SHROOM4: variants seen among roughly 807,000 people sequenced by gnomAD.
SHROOM4 encodes shroom family member 4.
Under a neutral mutation model 80.3 loss-of-function variants are expected in SHROOM4, and 17 were observed. The observed-to-expected ratio is 0.21, with a 90% CI of 0.14 to 0.32. The LOEUF (loss-of-function observed/expected upper bound fraction) is 0.32. Ranked by LOEUF, SHROOM4 falls within the 10% of genes least tolerant of loss-of-function variation. The pLI is 1.00. For missense variants in SHROOM4, 993 were observed against 1,140.3 expected (o/e 0.87, Z 1.86); for synonymous variants, 400 against 437.5 (o/e 0.91, Z 1.07).
At chrX:50,666,069 T>C (rs1569547258) in intron 2 of SHROOM4, among the ~76,000 whole-genome samples, 2 of 112,341 alleles carry the variant, frequency 1.8e-5, no homozygotes, top group African/African-American at 6.5e-5. Context: ...GCCCCGTTTA[T>C]ACAGGGAAAA....
intron 1 of SHROOM4, among the ~76,000 whole-genome samples, chrX:50,780,030 G>C (rs1809874917): frequency 9.0e-6 from 1 of 111,524 alleles, no homozygotes; most frequent in Non-Finnish European, 1.9e-5. Flanking sequence ...CTCTTTGTGT[G>C]GCTGTTAGGT....
intron 2 of SHROOM4, among the ~76,000 whole-genome samples, chrX:50,688,018 A>AT (rs1177210256): frequency 3.7e-5 from 4 of 107,526 alleles, no homozygotes; most frequent in East Asian, 2.9e-4. Flanking sequence ...TCTAAGGGTC[A>AT]TTTTTTTTTC....
chrX:50,804,657 T>C (rs782240585), intron 1 of SHROOM4, among the ~76,000 whole-genome samples: 3 of 112,433 alleles, frequency 2.7e-5, no homozygotes, highest in Non-Finnish European at 3.7e-5. Flanking sequence ...CGGTTCTTCA[T>C]CTGCACAATG....
chrX:50,676,464 G>T (rs1932855374), intron 2 of SHROOM4, among the ~76,000 whole-genome samples: 1 of 111,005 alleles, frequency 9.0e-6, no homozygotes, highest in Non-Finnish European at 1.9e-5. Context: ...TTTTGCTTTG[G>T]TTTTGTTTTG....
In SHROOM4 at chrX:50,633,528, G is replaced by T; in HGVS notation, c.2545C>A (p.Pro849Thr). 8.3e-7 allele frequency: 1 copy of T among 1,211,632 alleles called. No homozygotes were observed. Among genetic ancestry groups the T allele is most frequent in the East Asian group, 3.0e-5 (1 of 33,812 alleles). The change falls in exon 4 of 9, where the codon CCC becomes ACC. Residue 849 changes from proline to threonine, a missense_variant. Pro to Thr is a conservative substitution (Grantham distance 38). Coordinates refer to ENST00000376020, the MANE Select transcript of SHROOM4 (RefSeq NM_020717.5). ...ATDQSYHSMS[P>T]LQSETPTYSE... ...TAAGTGGGAGTTTCTGACTGAAGGG[G>T]TGACATGGAATGATATGATTGGTCT...
chrX:50,592,059 C>T lies in SHROOM4; in HGVS notation c.*4636G>A, dbSNP rs782781529. 1 of 329,457 alleles carries T rather than the reference C, an allele frequency of 3.0e-6. No individual in the cohort carries two copies. The highest frequency in any genetic ancestry group is 5.9e-6 in the Non-Finnish European group (1 of 170,030). 27.2% of individuals were successfully genotyped at this position (329,457 alleles called of 1,213,427 possible). On this transcript the variant is annotated 3_prime_UTR_variant, in exon 9 of 9. Coordinates refer to ENST00000376020, the MANE Select transcript of SHROOM4 (RefSeq NM_020717.5). ...AACATTTTCGGATTGTTCATTTGAT[C>T]TTGTGTTTTAACCTTGTATCCTGCA...
chrX:50,678,934 G>A (rs1557261566), intron 2 of SHROOM4, among the ~76,000 whole-genome samples: 1 of 111,143 alleles, frequency 9.0e-6, no homozygotes, highest in African/African-American at 3.3e-5. Flanking sequence ...CTGAAATTGG[G>A]CCTCTGCTCA....
intron 2 of SHROOM4, among the ~76,000 whole-genome samples, chrX:50,685,603 A>C (rs782137400): frequency 1.2e-4 from 14 of 112,421 alleles, no homozygotes; most frequent in Non-Finnish European, 2.1e-4. Flanking sequence ...AACATCCCAG[A>C]AACAGTGGAA....
intron 1 of SHROOM4, among the ~76,000 whole-genome samples, chrX:50,731,113 T>C (rs1423178430): frequency 5.4e-5 from 6 of 111,357 alleles, no homozygotes; most frequent in African/African-American, 2.0e-4. Context: ...TGAGGTGCTC[T>C]GTTGACTCTG....
intron 4 of SHROOM4, among the ~76,000 whole-genome samples, chrX:50,631,551 T>C (rs1296171625): frequency 8.9e-6 from 1 of 112,034 alleles, no homozygotes; most frequent in African/African-American, 3.2e-5. Flanking sequence ...GAAAAGGGCA[T>C]GTACAGGAGA....
chrX:50,595,671 C>T lies in SHROOM4; in HGVS notation c.*1024G>A, dbSNP rs1038188052. On this transcript the variant is annotated 3_prime_UTR_variant, in exon 9 of 9. Transcript: ENST00000376020. ...TAGACATCGGTAGCTATGGTGGGAACAATTCAACGCCTTGGCACTTGCTTA... is the reference window on the plus strand; with the variant it reads ...TAGACATCGGTAGCTATGGTGGGAATAATTCAACGCCTTGGCACTTGCTTA... The T allele has an allele frequency of 3.8e-6, 1 of 264,444 alleles. No individual in the cohort carries two copies. Among genetic ancestry groups the T allele is most frequent in the Non-Finnish European group, 7.0e-6 (1 of 142,798 alleles). The allele number at this position is 264,444 out of a possible 1,213,427, so 21.8% of individuals were successfully genotyped here.
chrX:50,727,429 A>G (rs971636244), intron 1 of SHROOM4, among the ~76,000 whole-genome samples: 5 of 111,659 alleles, frequency 4.5e-5, no homozygotes, highest in African/African-American at 1.6e-4. Flanking sequence ...GGGCAGAATG[A>G]TATGGTTTGG....
chrX:50,591,694 T>TTTTCTTTC lies in SHROOM4; in HGVS notation c.*4993_*5000dup, dbSNP rs199924127. ...TTTTCTTTCTTTCTTTCTTTCTTTC[T>TTTTCTTTC]TTTCTTTCTTTCTTTCTTTCTTTCT... On this transcript the variant is annotated 3_prime_UTR_variant, in exon 9 of 9. Coordinates refer to ENST00000376020, the MANE Select transcript of SHROOM4 (RefSeq NM_020717.5). 2.5e-3 allele frequency: 634 copies of TTTTCTTTC among 248,947 alleles called. 4 individuals carry two copies. The highest frequency in any genetic ancestry group is 0.019 in the African/African-American group (539 of 28,728). The allele number at this position is 248,947 out of a possible 1,213,427, so 20.5% of individuals were successfully genotyped here. A position where few individuals can be genotyped will look rare whatever the true frequency, so the allele number is the denominator to read the frequency against.
At chrX:50,641,082 T>C (rs5915293) in intron 2 of SHROOM4, among the ~76,000 whole-genome samples, 57,299 of 111,061 alleles carry the variant, frequency 0.52, 11,750 homozygotes, top group Admixed American at 0.66. Context: ...TTAACCTAAA[T>C]CCTACCTGTT....
At chrX:50,658,910 G>C (rs919358274) in intron 2 of SHROOM4, among the ~76,000 whole-genome samples, 1 of 111,475 alleles carries the variant, frequency 9.0e-6, no homozygotes, top group African/African-American at 3.3e-5. Context: ...GGAATGCTTT[G>C]ATGCTGGGGA....
intron 1 of SHROOM4, among the ~76,000 whole-genome samples, chrX:50,703,514 C>A (rs1260349583): frequency 9.0e-6 from 1 of 111,693 alleles, no homozygotes; most frequent in African/African-American, 3.3e-5. Context: ...GTGTTCCCAC[C>A]CAAATCTCAT....
chrX:50,652,106 G>T (rs1339422629), intron 2 of SHROOM4, among the ~76,000 whole-genome samples: 1 of 111,804 alleles, frequency 8.9e-6, no homozygotes, highest in Non-Finnish European at 1.9e-5. Flanking sequence ...CCAGTAATGG[G>T]ATTGCTAGAT....
At chrX:50,781,088 G>C (rs1018954815) in intron 1 of SHROOM4, among the ~76,000 whole-genome samples, 2 of 111,151 alleles carry the variant, frequency 1.8e-5, no homozygotes, top group Admixed American at 1.9e-4. Flanking sequence ...AAAGAAGAGA[G>C]AGAGAGAATT....
At chrX:50,744,488 G>A (rs1334032290) in intron 1 of SHROOM4, among the ~76,000 whole-genome samples, 1 of 111,528 alleles carries the variant, frequency 9.0e-6, no homozygotes, top group Non-Finnish European at 1.9e-5. Context: ...TTGATGAGTT[G>A]TTATCATCAC....
Sources: gnomAD v4.1 joint callset for allele counts (sites outside exome capture counted in the v4.1 genomes callset) on GRCh38, gnomAD v4.1.1 for gene constraint, MANE v1.5 for transcripts, NCBI Gene and HGNC (gene_info 2026-07-23, HGNC 2026-07-21) for gene names.